The following WDR64 variants were observed in gnomAD, a reference collection of about 807,000 sequenced individuals.
WDR64 encodes the protein WD repeat domain 64.
WDR64 carries 112 observed loss-of-function variants against 139.3 expected under a neutral mutation model. The ratio of observed to expected loss-of-function variants is 0.80; its 90% CI spans 0.69 to 0.94. The LOEUF is 0.94. Among genes scored for constraint, WDR64 ranks in the 40% least tolerant of loss-of-function variants. The pLI is 0.00. For missense variants in WDR64, 1,206 were observed against 1,293.1 expected (o/e 0.93, Z 1.03); for synonymous variants, 444 against 437.7 (o/e 1.01, Z -0.18).
intron 11 of WDR64, among the ~76,000 whole-genome samples, chr1:241,740,460 GT>G (rs1173863274): frequency 6.6e-6 from 1 of 152,078 alleles, no homozygotes; most frequent in African/African-American, 2.4e-5. Flanking sequence ...ACATGAACAG[GT>G]TTTATCTTAA....
At chr1:241,694,087 G>A (rs1213802670) in intron 8 of WDR64, among the ~76,000 whole-genome samples, 1 of 151,374 alleles carries the variant, frequency 6.6e-6, no homozygotes, top group African/African-American at 2.4e-5. Context: ...GTGCTCTTGA[G>A]CTGTTTAAAT....
chr1:241,738,034 C>T (rs1669391843), intron 10 of WDR64, among the ~76,000 whole-genome samples: 1 of 152,122 alleles, frequency 6.6e-6, no homozygotes. Context: ...GACTTTAATT[C>T]AACAGTAAGT....
chr1:241,667,942 G>GTTGT (rs1449527497), intron 2 of WDR64, among the ~76,000 whole-genome samples: 2 of 152,178 alleles, frequency 1.3e-5, no homozygotes, highest in East Asian at 3.9e-4. Flanking sequence ...TTCAATAAAC[G>GTTGT]TATGTCTGTT....
At chr1:241,775,034 A>C in intron 20 of WDR64, 71 bp from the exon 21 acceptor site, 2 of 1,203,790 alleles carry the variant, frequency 1.7e-6, no homozygotes, top group Non-Finnish European at 2.3e-6. Flanking sequence ...TAGAAAAATC[A>C]ATTTCAATAT....
Position 241,770,697 on chromosome 1 carries a change from A to C in WDR64, c.2253+7A>C, listed in dbSNP as rs763142585. On this transcript the variant is annotated splice_region_variant and intron_variant, in intron 18 of 27. Coordinates refer to ENST00000437684, the MANE Select transcript of WDR64 (RefSeq NM_001367482.1). ...AGGTCCACAGAGCAGTAAGGTAAGC[A>C]AGACACAGACAGGGTCTGTCTTCCT... The C allele has an allele frequency of 5.8e-6, 9 of 1,551,048 alleles. No homozygotes were observed. In the Admixed American group the frequency reaches 5.9e-5, roughly 10 times the overall value.
intron 14 of WDR64, among the ~76,000 whole-genome samples, chr1:241,750,820 G>A (rs909976635): frequency 6.6e-6 from 1 of 152,098 alleles, no homozygotes; most frequent in African/African-American, 2.4e-5. Context: ...CCCAGAGTAG[G>A]TGCTCATTAA....
chr1:241,775,053 T>A (rs1658600655), intron 20 of WDR64, 52 bp from the exon 21 acceptor site: 2 of 1,393,738 alleles, frequency 1.4e-6, no homozygotes. Context: ...ATTAAGATTT[T>A]ATAAGACTTA....
chr1:241,771,533 T>A lies in WDR64; in HGVS notation c.2254-128T>A, dbSNP rs1658429138. On this transcript the variant is annotated intron_variant, in intron 18 of 27. Coordinates refer to ENST00000437684, the MANE Select transcript of WDR64 (RefSeq NM_001367482.1). Reference sequence around the variant, plus strand: ...GCAATACATTTTTTTCAAAAAAAAATTAAAGTATAATTTTAAAAGTAATGC... The same window carrying A: ...GCAATACATTTTTTTCAAAAAAAAAATAAAGTATAATTTTAAAAGTAATGC... The A allele has an allele frequency of 6.8e-6, 4 of 587,622 alleles. No homozygotes were observed. In the Admixed American group the frequency reaches 1.7e-4, roughly 25 times the overall value. 36.4% of individuals were successfully genotyped at this position (587,622 alleles called of 1,614,324 possible).
At chr1:241,798,122 ATAAAT>A (rs1659420858) in intron 27 of WDR64, among the ~76,000 whole-genome samples, 1 of 152,214 alleles carries the variant, frequency 6.6e-6, no homozygotes, top group Non-Finnish European at 1.5e-5. Flanking sequence ...ATAAAGAATG[ATAAAT>A]TATTTATCCA....
chr1:241,794,332 T>G (rs949011432), intron 25 of WDR64, among the ~76,000 whole-genome samples: 122 of 152,188 alleles, frequency 8.0e-4, no homozygotes, highest in African/African-American at 2.8e-3. Flanking sequence ...TAGTACAACC[T>G]AGAAATAAAG....
At chr1:241,787,150 T>A (rs1009328164) in intron 23 of WDR64, among the ~76,000 whole-genome samples, 1 of 150,160 alleles carries the variant, frequency 6.7e-6, no homozygotes, top group African/African-American at 2.5e-5. Context: ...GTCAGGAGAT[T>A]GAGACCATCC....
intron 14 of WDR64, among the ~76,000 whole-genome samples, chr1:241,754,645 C>T (rs1008664660): frequency 1.3e-5 from 2 of 152,134 alleles, no homozygotes; most frequent in East Asian, 1.9e-4. Flanking sequence ...CAGGTATACA[C>T]GTGCCATGGT....
chr1:241,691,033 G>A (rs543708006), intron 8 of WDR64, among the ~76,000 whole-genome samples: 1 of 152,158 alleles, frequency 6.6e-6, no homozygotes, highest in East Asian at 1.9e-4. Context: ...TAGGATTTTT[G>A]TTTATTTTAA....
At chr1:241,706,451 G>T (rs920687625) in intron 8 of WDR64, among the ~76,000 whole-genome samples, 2 of 152,196 alleles carry the variant, frequency 1.3e-5, no homozygotes, top group African/African-American at 4.8e-5. Flanking sequence ...AAGCAGCTAT[G>T]GTGACAAAGT....
At chr1:241,698,202 T>C (rs1667572353) in intron 8 of WDR64, among the ~76,000 whole-genome samples, 1 of 152,186 alleles carries the variant, frequency 6.6e-6, no homozygotes, top group Non-Finnish European at 1.5e-5. Context: ...TAGCATTTTG[T>C]ATTTTGCTTG....
chr1:241,698,775 C>T (rs919049573), intron 8 of WDR64, among the ~76,000 whole-genome samples: 1 of 152,178 alleles, frequency 6.6e-6, no homozygotes, highest in Non-Finnish European at 1.5e-5. Flanking sequence ...TCCTCAGCAC[C>T]TTTCTTCCAA....
chr1:241,782,806 G>T (rs893218848), intron 22 of WDR64, among the ~76,000 whole-genome samples: 2 of 151,858 alleles, frequency 1.3e-5, no homozygotes, highest in East Asian at 3.9e-4. Context: ...CCCCCCAAAA[G>T]AACAAAACAG....
intron 8 of WDR64, among the ~76,000 whole-genome samples, chr1:241,706,694 A>C (rs1436256410): frequency 6.6e-6 from 1 of 152,208 alleles, no homozygotes; most frequent in African/African-American, 2.4e-5. Flanking sequence ...CATAGAGATA[A>C]TACTACCTGC....
At chr1:241,786,242 T>A (rs1312437976) in intron 23 of WDR64, among the ~76,000 whole-genome samples, 1 of 152,190 alleles carries the variant, frequency 6.6e-6, no homozygotes, top group Admixed American at 6.5e-5. Context: ...AACATCTACC[T>A]CTCTGAGGTG....
Sources: gnomAD v4.1 joint callset for allele counts (sites outside exome capture counted in the v4.1 genomes callset) on GRCh38, gnomAD v4.1.1 for gene constraint, MANE v1.5 for transcripts, NCBI Gene and HGNC (gene_info 2026-07-23, HGNC 2026-07-21) for gene names.